The following RNF130 variants were observed in gnomAD, a reference collection of about 807,000 sequenced individuals.
RNF130 encodes the protein ring finger protein 130.
In RNF130, 21 loss-of-function variants were observed where a neutral mutation model predicts 44.6. That is an observed-to-expected ratio of 0.47 (90% CI 0.33 to 0.68). RNF130 has a LOEUF of 0.68. Ranked by LOEUF, RNF130 falls within the 30% of genes least tolerant of loss-of-function variation. The pLI, the probability that RNF130 is intolerant of heterozygous loss-of-function variation, is 0.02. For synonymous variants in RNF130, 214 were observed against 210.4 expected (o/e 1.02, Z -0.15); for missense variants, 479 against 560.6 (o/e 0.85, Z 1.47).
chr5:180,017,017 T>TA, intron 2 of RNF130, among the ~76,000 whole-genome samples: 1 of 152,338 alleles, frequency 6.6e-6, no homozygotes, highest in East Asian at 1.9e-4. Flanking sequence ...AATAGCTGTT[T>TA]AACTTGTTTA....
At chr5:179,911,703 C>T (rs1371733355) in exon 8 of RNF130, 1 of 152,250 alleles carries the variant, frequency 6.6e-6, no homozygotes, top group Non-Finnish European at 1.5e-5. Context: ...AAATTCTGCA[C>T]ATACGGGTGT....
intron 2 of RNF130, among the ~76,000 whole-genome samples, chr5:180,030,671 T>TC (rs1310704134): frequency 3.3e-5 from 5 of 152,140 alleles, no homozygotes. Context: ...ACATGCCAGC[T>TC]CCCTCATGCT....
At chr5:179,975,778 G>A (rs1030852362) in intron 5 of RNF130, among the ~76,000 whole-genome samples, 4 of 152,176 alleles carry the variant, frequency 2.6e-5, no homozygotes, top group Admixed American at 2.0e-4. Flanking sequence ...GCGAAATTCC[G>A]TGAACCGTGC....
Position 180,013,260 on chromosome 5 carries a change from A to C in RNF130, c.494T>G (p.Ile165Ser). 6.2e-7 allele frequency: 1 copy of C among 1,614,096 alleles called. No individual in the cohort carries two copies. The highest frequency in any genetic ancestry group is 1.1e-5 in the South Asian group (1 of 91,076). Reference protein sequence around the residue: ...VMITELRGKDILSYLEKNISV... With the variant: ...VMITELRGKDSLSYLEKNISV... The stretch of plus-strand genomic sequence containing the variant: ...GATGTTTTTCTCCAGATAACTCAAA[A>C]TATCCTTACCCCTCAATTCTGTTAT... The change falls in exon 3 of 9, where the codon ATT (isoleucine) becomes AGT (serine). Residue 165 changes from isoleucine (I) to serine (S), a missense_variant. This residue lies in a region of RNF130 where 180 missense variants were observed against 275.1 expected (regional missense o/e 0.65). Coordinates refer to ENST00000521389, the MANE Select transcript of RNF130 (RefSeq NM_018434.6).
At chr5:180,046,034 G>A (rs866813718) in intron 1 of RNF130, among the ~76,000 whole-genome samples, 26 of 152,276 alleles carry the variant, frequency 1.7e-4, no homozygotes, top group African/African-American at 4.3e-4. Context: ...CTCCAGTGGC[G>A]TGGACGGAGG....
chr5:179,922,063 C>T (rs747119650), intron 7 of RNF130, among the ~76,000 whole-genome samples: 3 of 151,556 alleles, frequency 2.0e-5, no homozygotes, highest in Non-Finnish European at 4.4e-5. Context: ...GATGGCCCTA[C>T]CGGCAGCCTA....
chr5:180,016,594 T>G (rs1763741015), intron 2 of RNF130, among the ~76,000 whole-genome samples: 1 of 152,218 alleles, frequency 6.6e-6, no homozygotes. Context: ...AAAGCCCATC[T>G]GTGATCCCTG....
At chr5:179,917,149 C>T (rs892771640) in exon 8 of RNF130, 3 of 152,038 alleles carry the variant, frequency 2.0e-5, no homozygotes, top group Non-Finnish European at 4.4e-5. Flanking sequence ...CAAGATCGCG[C>T]CACTGCACTC....
chr5:179,989,111 T>C (rs1305283818), intron 3 of RNF130, among the ~76,000 whole-genome samples: 1 of 152,176 alleles, frequency 6.6e-6, no homozygotes, highest in African/African-American at 2.4e-5. Context: ...AAGGCACCTC[T>C]TCACAGGGCA....
At chr5:179,969,547 C>T (rs913389094) in intron 6 of RNF130, among the ~76,000 whole-genome samples, 5 of 152,054 alleles carry the variant, frequency 3.3e-5, no homozygotes, top group East Asian at 3.9e-4. Context: ...TCATCCCATA[C>T]TCATCGACCA....
chr5:179,974,088 G>T (rs1215922005), intron 5 of RNF130, among the ~76,000 whole-genome samples: 1 of 152,144 alleles, frequency 6.6e-6, no homozygotes, highest in East Asian at 1.9e-4. Flanking sequence ...CAGCCTCTTG[G>T]TGCCATGTAA....
chr5:180,055,248 C>CAAAAAAAAAAAAAAAA (rs1205914690), intron 1 of RNF130, among the ~76,000 whole-genome samples: 4 of 20,980 alleles, frequency 1.9e-4, no homozygotes, highest in Non-Finnish European at 2.9e-4. Flanking sequence ...GGTTCTGTCT[C>CAAAAAAAAAAAAAAAA]AAAAAAAAAA....
chr5:180,035,422 T>C (rs985657528), intron 2 of RNF130, among the ~76,000 whole-genome samples: 2 of 152,222 alleles, frequency 1.3e-5, no homozygotes, highest in African/African-American at 4.8e-5. Context: ...CAGCCAACCA[T>C]ATGGTCTATC....
At chr5:179,957,999 T>G (rs9329091) in intron 8 of RNF130, among the ~76,000 whole-genome samples, 2,530 of 150,876 alleles carry the variant, frequency 0.017, 71 homozygotes, top group African/African-American at 0.058. Flanking sequence ...TGCCTCAGCC[T>G]CCCAAGTAGC....
chr5:179,950,952 C>G (rs1043871244), downstream of RNF130, among the ~76,000 whole-genome samples: 5 of 152,062 alleles, frequency 3.3e-5, no homozygotes, highest in African/African-American at 1.2e-4. Flanking sequence ...GGAACTATAC[C>G]ATGAATCTAC....
At chr5:180,038,851 T>C (rs987492131) in intron 2 of RNF130, among the ~76,000 whole-genome samples, 9 of 152,234 alleles carry the variant, frequency 5.9e-5, no homozygotes, top group Admixed American at 2.0e-4. Flanking sequence ...TTTTGCTCAG[T>C]TGAATTTCTC....
chr5:180,000,689 C>T (rs1315547505), intron 3 of RNF130, among the ~76,000 whole-genome samples: 3 of 152,132 alleles, frequency 2.0e-5, no homozygotes, highest in Admixed American at 2.0e-4. Context: ...AAATTCTCCA[C>T]TGTATGTTTT....
At chr5:180,062,055 CT>C (rs901554822) in intron 1 of RNF130, among the ~76,000 whole-genome samples, 1,462 of 134,910 alleles carry the variant, frequency 0.011, 9 homozygotes, top group African/African-American at 0.026. Flanking sequence ...CCCCCAGCCT[CT>C]TTTTTTTTTT....
At chr5:179,957,881 C>CT (rs35629659) in intron 8 of RNF130, among the ~76,000 whole-genome samples, 1,754 of 143,036 alleles carry the variant, frequency 0.012, 21 homozygotes, top group Non-Finnish European at 0.016. Context: ...ATTCAAAATT[C>CT]TTTTTTTTTT....
Sources: allele counts gnomAD v4.1 joint callset (sites outside exome capture counted in the v4.1 genomes callset), GRCh38; gene constraint gnomAD v4.1.1; regional missense constraint gnomAD v4.1.1; transcripts MANE v1.5; gene names NCBI Gene and HGNC (gene_info 2026-07-23, HGNC 2026-07-21).